The following WIPF2 variants were observed in gnomAD, a reference collection of about 807,000 sequenced individuals.
WIPF2 encodes WAS/WASL interacting protein family member 2, also known as WAS/WASL-interacting protein family member 2.
Under a neutral mutation model 38.8 loss-of-function variants are expected in WIPF2, and 23 were observed. The observed-to-expected ratio is 0.59, with a 90% confidence interval of 0.43 to 0.84. The LOEUF is 0.84. Ranked by LOEUF, WIPF2 falls within the 40% of genes least tolerant of loss-of-function variation. WIPF2 has a pLI of 0.00. For missense variants in WIPF2, 574 were observed against 580.5 expected, an observed-to-expected ratio of 0.99 and a Z score of 0.11; for synonymous variants, 210 against 223.2, an observed-to-expected ratio of 0.94 and a Z score of 0.53.
chr17:40,268,728 G>C (rs1396898443), intron 5 of WIPF2, among the ~76,000 whole-genome samples: 1 of 152,066 alleles, frequency 6.6e-6, no homozygotes, highest in Non-Finnish European at 1.5e-5. Flanking sequence ...ATTGTACCTG[G>C]CTAGAGCAGC....
chr17:40,247,547 A>C (rs897396055), intron 1 of WIPF2, among the ~76,000 whole-genome samples: 2 of 139,134 alleles, frequency 1.4e-5, no homozygotes, highest in African/African-American at 5.4e-5. Context: ...TTTGAGACAG[A>C]GTCTTACTCC....
chr17:40,235,136 C>T (rs973208164), intron 1 of WIPF2, among the ~76,000 whole-genome samples: 37 of 151,690 alleles, frequency 2.4e-4, no homozygotes, highest in Non-Finnish European at 4.0e-4. Flanking sequence ...GCCAGGATGG[C>T]CGCCCGCCTC....
intron 1 of WIPF2, among the ~76,000 whole-genome samples, chr17:40,222,339 A>G (rs1598460527): frequency 6.6e-6 from 1 of 151,264 alleles, no homozygotes. Flanking sequence ...GGTGTGAGCC[A>G]CCGCGCCTGG....
chr17:40,276,709 T>C (rs1022307277), intron 6 of WIPF2, among the ~76,000 whole-genome samples: 1 of 151,824 alleles, frequency 6.6e-6, no homozygotes, highest in African/African-American at 2.4e-5. Context: ...GCACAGGAGT[T>C]TGAGACTAGC....
At chr17:40,258,684 A>G (rs530601728) in intron 2 of WIPF2, among the ~76,000 whole-genome samples, 196 of 152,140 alleles carry the variant, frequency 1.3e-3, no homozygotes, top group Non-Finnish European at 2.3e-3. Context: ...ACTTGAGCTG[A>G]GTCTTAAGCC....
At chr17:40,254,614 T>G (rs2031662034) in intron 1 of WIPF2, among the ~76,000 whole-genome samples, 1 of 152,172 alleles carries the variant, frequency 6.6e-6, no homozygotes, top group Non-Finnish European at 1.5e-5. Context: ...TGTTTGGTGA[T>G]CTGATAAATG....
intron 1 of WIPF2, among the ~76,000 whole-genome samples, chr17:40,237,990 C>T (rs1240609601): frequency 2.0e-5 from 3 of 149,624 alleles, no homozygotes; most frequent in African/African-American, 2.4e-5. Context: ...TGCTTGAACC[C>T]GGGAGGCGGA....
chr17:40,220,801 G>C (rs1431003859), intron 1 of WIPF2, among the ~76,000 whole-genome samples: 2 of 140,312 alleles, frequency 1.4e-5, no homozygotes, highest in Non-Finnish European at 3.1e-5. Context: ...TTGAGATGGA[G>C]TCTCGCTCAG....
At chr17:40,254,819 C>G (rs925059768) in intron 1 of WIPF2, among the ~76,000 whole-genome samples, 1 of 152,054 alleles carries the variant, frequency 6.6e-6, no homozygotes, top group Non-Finnish European at 1.5e-5. Context: ...GCACCTCCAC[C>G]TCCCGGATTC....
At chr17:40,226,210 T>TAAAA (rs1567708020) in intron 1 of WIPF2, among the ~76,000 whole-genome samples, 2 of 103,342 alleles carry the variant, frequency 1.9e-5, no homozygotes, top group African/African-American at 7.0e-5. Context: ...AAAAAAAAAT[T>TAAAA]TTTTTTTTTT....
At chr17:40,253,294 C>T (rs1367347374) in intron 1 of WIPF2, among the ~76,000 whole-genome samples, 1 of 150,910 alleles carries the variant, frequency 6.6e-6, no homozygotes, top group Non-Finnish European at 1.5e-5. Context: ...CATCTCCTGA[C>T]CTCATGATCT....
At chr17:40,231,871 A>G (rs915624310) in intron 1 of WIPF2, among the ~76,000 whole-genome samples, 1 of 151,196 alleles carries the variant, frequency 6.6e-6, no homozygotes, top group Non-Finnish European at 1.5e-5. Context: ...CCTGCCTCGT[A>G]ATTGTATTTT....
chr17:40,274,575 A>G (rs2032335888), intron 6 of WIPF2, among the ~76,000 whole-genome samples: 1 of 148,146 alleles, frequency 6.8e-6, no homozygotes, highest in Non-Finnish European at 1.5e-5. Flanking sequence ...AAAAAAAAAA[A>G]AAAAAAAAAA....
intron 1 of WIPF2, among the ~76,000 whole-genome samples, chr17:40,223,807 G>A (rs567968057): frequency 2.0e-4 from 31 of 151,942 alleles, no homozygotes; most frequent in African/African-American, 7.5e-4. Flanking sequence ...GGCTGGTCTC[G>A]AACTTCTGAC....
Position 40,242,590 on chromosome 17 carries a change from CG to C in WIPF2, c.-69-13797del, listed in dbSNP as rs1358793480. ...AATTTTTTTGTATTTTTAGTACAGACGGGGTTTCACCATGTTGGCCAGGCCG... is the reference window on the plus strand; with the variant it reads ...AATTTTTTTGTATTTTTAGTACAGACGGGTTTCACCATGTTGGCCAGGCCG... On this transcript the variant is annotated intron_variant, in intron 1 of 7. Transcript: ENST00000323571. Among the ~76,000 whole-genome samples the C allele has an allele frequency of 7.2e-5, 11 of 152,154 alleles. No individual in the cohort carries two copies. In the East Asian group the frequency reaches 1.9e-3, roughly 27 times the overall value.
intron 1 of WIPF2, among the ~76,000 whole-genome samples, chr17:40,249,266 T>C (rs1265682793): frequency 6.6e-6 from 1 of 152,130 alleles, no homozygotes; most frequent in Non-Finnish European, 1.5e-5. Flanking sequence ...TTAGATAATT[T>C]TAAGTGTACG....
At position 40,246,838 on chromosome 17, in the gene WIPF2, C is replaced by T. The variant is rs139725773; in HGVS notation, c.-69-9553C>T. On this transcript the variant is annotated intron_variant, in intron 1 of 7. Transcript: ENST00000323571. ...CTTAAGAACTCATTTGTTGGCCGGG[C>T]GTGGCGACTCATGCCTGTAATCCCA... 3.7e-3 allele frequency among the ~76,000 whole-genome samples: 556 copies of T among 151,452 alleles called. 5 individuals carry two copies. The highest frequency in any genetic ancestry group is 0.013 in the African/African-American group (532 of 41,334).
chr17:40,251,337 CA>C lies in WIPF2; in HGVS notation c.-69-5053del, dbSNP rs1184503329. Among the ~76,000 whole-genome samples the C allele has an allele frequency of 2.0e-4, 30 of 149,694 alleles. No individual in the cohort carries two copies. In the East Asian group the frequency reaches 3.7e-3, roughly 18 times the overall value. On this transcript the variant is annotated intron_variant, in intron 1 of 7. Coordinates refer to ENST00000323571, the MANE Select transcript of WIPF2 (RefSeq NM_133264.5). ...TCAAATGTTATGAATTGTTTTGGTT[CA>C]TTTTTTTTTTTTTTTAACTCAAAGT...
intron 1 of WIPF2, chr17:40,220,611 A>ATG (rs1567705885): frequency 3.5e-5 from 3 of 84,590 alleles, no homozygotes; most frequent in African/African-American, 1.0e-4. Context: ...ATATATATAT[A>ATG]TATATATGTA....
Sources: allele counts gnomAD v4.1 joint callset (sites outside exome capture counted in the v4.1 genomes callset), GRCh38; gene constraint gnomAD v4.1.1; transcripts MANE v1.5; gene names NCBI Gene and HGNC (gene_info 2026-07-23, HGNC 2026-07-21).